The following HSD17B12 variants were observed in gnomAD, a reference collection of about 807,000 sequenced individuals.
HSD17B12 encodes hydroxysteroid 17-beta dehydrogenase 12.
A neutral mutation model predicts 39.3 loss-of-function variants in HSD17B12; 32 were observed. The observed-to-expected ratio is 0.81, with a 90% CI of 0.61 to 1.09. The LOEUF (loss-of-function observed/expected upper bound fraction) is 1.09. HSD17B12 is among the 50% of genes least tolerant of loss of function. HSD17B12 has a pLI of 0.00. For missense variants in HSD17B12, 342 were observed against 382.9 expected (o/e 0.89, Z 0.89); for synonymous variants, 150 against 146.7 (o/e 1.02, Z -0.16).
chr11:43,636,868 G>A, the HSD17B12 span, among the ~76,000 whole-genome samples: 40 of 152,170 alleles, frequency 2.6e-4, no homozygotes, highest in African/African-American at 9.4e-4. Flanking sequence ...TCAAGTGCTC[G>A]ATAATCAGAG....
intron 1 of HSD17B12, among the ~76,000 whole-genome samples, chr11:43,735,002 G>T (rs1298037533): frequency 6.6e-6 from 1 of 152,140 alleles, no homozygotes; most frequent in Non-Finnish European, 1.5e-5. Flanking sequence ...ATTTATTCTG[G>T]ATGTTTCGTG....
the HSD17B12 span, chr11:43,569,532 G>A: frequency 4.6e-5 from 7 of 152,196 alleles, no homozygotes; most frequent in African/African-American, 1.7e-4. Context: ...AGTCTGTTCA[G>A]ATAGGCCAAT....
the HSD17B12 span, among the ~76,000 whole-genome samples, chr11:43,662,461 T>C: frequency 3.4e-5 from 5 of 146,332 alleles, no homozygotes; most frequent in Non-Finnish European, 6.0e-5. Context: ...GCCAGGCTGG[T>C]CTCGAACTCC....
intron 1 of HSD17B12, among the ~76,000 whole-genome samples, chr11:43,725,815 G>A (rs1324822468): frequency 2.0e-5 from 3 of 152,172 alleles, no homozygotes; most frequent in Admixed American, 6.5e-5. Flanking sequence ...GAACAACAGA[G>A]TTTGAATAAA....
At chr11:43,787,673 G>A (rs968080691) in intron 3 of HSD17B12, among the ~76,000 whole-genome samples, 1 of 151,368 alleles carries the variant, frequency 6.6e-6, no homozygotes, top group Non-Finnish European at 1.5e-5. Flanking sequence ...GGAGGTGGAG[G>A]TTGCAGTGAG....
intron 6 of HSD17B12, among the ~76,000 whole-genome samples, chr11:43,823,059 TG>T (rs1036856775): frequency 6.6e-6 from 1 of 151,986 alleles, no homozygotes; most frequent in Non-Finnish European, 1.5e-5. Context: ...TTACTTTTTT[TG>T]GGGGGGTCAG....
the HSD17B12 span, among the ~76,000 whole-genome samples, chr11:43,667,213 G>A: frequency 1.3e-5 from 2 of 152,130 alleles, no homozygotes; most frequent in Non-Finnish European, 1.5e-5. Flanking sequence ...GTGTAGTGGT[G>A]CAATCTTGGC....
chr11:43,815,617 G>A (rs1951115130), intron 5 of HSD17B12, 116 bp downstream of exon 5: 1 of 567,692 alleles, frequency 1.8e-6, no homozygotes, highest in African/African-American at 1.8e-5. Context: ...TGGCTCTTCT[G>A]TTTACTACCT....
chr11:43,663,105 A>G, the HSD17B12 span, among the ~76,000 whole-genome samples: 2 of 152,146 alleles, frequency 1.3e-5, no homozygotes, highest in African/African-American at 4.8e-5. Context: ...TTTTTGAGAC[A>G]GAGTCTCGAT....
intron 1 of HSD17B12, among the ~76,000 whole-genome samples, chr11:43,722,830 C>G (rs1236580914): frequency 3.1e-5 from 1 of 32,284 alleles, no homozygotes; most frequent in Admixed American, 4.6e-4. Context: ...GCCTGGGCAA[C>G]AAGAAAAAAA....
chr11:43,579,626 C>T, the HSD17B12 span: 1 of 152,206 alleles, frequency 6.6e-6, no homozygotes, highest in African/African-American at 2.4e-5. Context: ...AGTTGCCCCG[C>T]GCCGCGGCGG....
At chr11:43,750,781 G>T in intron 1 of HSD17B12, 130 bp from the exon 2 acceptor site, 2 of 529,488 alleles carry the variant, frequency 3.8e-6, no homozygotes, top group Non-Finnish European at 6.7e-6. Flanking sequence ...GATTTGAACC[G>T]CTGGTATTGT....
chr11:43,769,343 G>C (rs1199344979), intron 3 of HSD17B12, among the ~76,000 whole-genome samples: 3 of 152,172 alleles, frequency 2.0e-5, no homozygotes, highest in Admixed American at 2.0e-4. Flanking sequence ...AACAAGCTTT[G>C]ATTAAAAACA....
chr11:43,679,275 A>G (rs1431963517), upstream of HSD17B12, among the ~76,000 whole-genome samples: 3 of 152,156 alleles, frequency 2.0e-5, no homozygotes, highest in African/African-American at 7.2e-5. Context: ...TGATTTTTGC[A>G]CATTGAGTTA....
chr11:43,693,460 A>G (rs950134816), intron 1 of HSD17B12, among the ~76,000 whole-genome samples: 4 of 152,174 alleles, frequency 2.6e-5, no homozygotes, highest in African/African-American at 9.7e-5. Context: ...GGATGCCATT[A>G]TGCCATGCTC....
the HSD17B12 span, among the ~76,000 whole-genome samples, chr11:43,624,385 T>C: frequency 6.6e-6 from 1 of 151,982 alleles, no homozygotes; most frequent in Non-Finnish European, 1.5e-5. Flanking sequence ...TTCTGAAGAC[T>C]AACTTTCTAA....
In HSD17B12 at chr11:43,706,920, A is replaced by T. The variant is rs889812527; in HGVS notation, c.160+25933A>T. On this transcript the variant is annotated intron_variant, in intron 1 of 10. Coordinates refer to ENST00000278353, the MANE Select transcript of HSD17B12 (RefSeq NM_016142.3). ...GCTATTATTACAGGTTTTAATTTTG[A>T]AAATTTTATGCCTCTTTTTCTATTT... is the stretch of plus-strand genomic sequence containing the variant. Among the ~76,000 whole-genome samples the T allele has an allele frequency of 4.7e-4, 72 of 152,244 alleles. 1 individual carries two copies. The highest frequency in any genetic ancestry group is 1.7e-3 in the African/African-American group (69 of 41,544).
intron 1 of HSD17B12, among the ~76,000 whole-genome samples, chr11:43,732,712 G>A (rs762822231): frequency 1.2e-4 from 18 of 151,956 alleles, no homozygotes; most frequent in African/African-American, 3.1e-4. Flanking sequence ...ATCCTTCTGC[G>A]TTGGCTTCTC....
Position 43,701,872 on chromosome 11 carries a change from A to G in HSD17B12, c.160+20885A>G, listed in dbSNP as rs538204526. 9.9e-5 allele frequency among the ~76,000 whole-genome samples: 15 copies of G among 152,150 alleles called. No homozygotes were observed. The South Asian group carries it at 2.1e-3, about 21-fold the overall frequency. ...TTTTTCTATTTCTGTGTAGAACATT[A>G]TTGGTATTTTGATAGGGATTACATT... On this transcript the variant is annotated intron_variant, in intron 1 of 10. Transcript: ENST00000278353.
Sources: gnomAD v4.1 joint callset for allele counts (sites outside exome capture counted in the v4.1 genomes callset) on GRCh38, gnomAD v4.1.1 for gene constraint, MANE v1.5 for transcripts, NCBI Gene and HGNC (gene_info 2026-07-23, HGNC 2026-07-21) for gene names.